Variants in OSTF1 observed in about 807,000 individuals in gnomAD.
The protein encoded by OSTF1 is osteoclast stimulating factor 1, also known as osteoclast-stimulating factor 1.
OSTF1 carries 27 observed loss-of-function variants against 37.2 expected under a neutral mutation model. The ratio of observed to expected loss-of-function variants is 0.73; its 90% CI spans 0.54 to 1.00. OSTF1 has a LOEUF of 1.00. OSTF1 is among the 50% of genes least tolerant of loss of function. The probability of loss-of-function intolerance (pLI) is 0.00; values close to 1 mark genes in which losing one functional copy is unlikely to be tolerated. For missense variants in OSTF1, 232 were observed against 253.8 expected, an observed-to-expected ratio of 0.91 and a Z score of 0.58; for synonymous variants, 82 against 89.2, an observed-to-expected ratio of 0.92 and a Z score of 0.46.
intron 1 of OSTF1, among the ~76,000 whole-genome samples, chr9:75,111,857 C>G (rs1825395942): frequency 9.4e-6 from 1 of 106,170 alleles, no homozygotes; most frequent in Non-Finnish European, 1.8e-5. Flanking sequence ...GGAGTTTCTC[C>G]CTGTTCCCCA....
At chr9:75,133,454 C>T in intron 6 of OSTF1, 53 bp downstream of exon 6, 1 of 1,048,342 alleles carries the variant, frequency 9.5e-7, no homozygotes, top group Non-Finnish European at 1.5e-6. Context: ...TGTGTTTCAC[C>T]TACGGGAGCC....
At chr9:75,104,850 G>C (rs145241846) in intron 1 of OSTF1, among the ~76,000 whole-genome samples, 38 of 152,290 alleles carry the variant, frequency 2.5e-4, no homozygotes, top group African/African-American at 7.7e-4. Flanking sequence ...AGCCAGATGG[G>C]CCTGAGTTTA....
intron 1 of OSTF1, among the ~76,000 whole-genome samples, chr9:75,106,037 C>T (rs1035297903): frequency 6.6e-6 from 1 of 152,194 alleles, no homozygotes; most frequent in Admixed American, 6.5e-5. Flanking sequence ...GCTATTCCTG[C>T]AGCTGAAATC....
chr9:75,099,361 C>T (rs1310363606), intron 1 of OSTF1, among the ~76,000 whole-genome samples: 1 of 152,084 alleles, frequency 6.6e-6, no homozygotes, highest in Non-Finnish European at 1.5e-5. Flanking sequence ...AAGTGACCCT[C>T]CCGCCTCAGC....
At chr9:75,100,511 C>T (rs1825171537) in intron 1 of OSTF1, among the ~76,000 whole-genome samples, 1 of 152,068 alleles carries the variant, frequency 6.6e-6, no homozygotes, top group South Asian at 2.1e-4. Flanking sequence ...AGATGGATCA[C>T]TTGAGGTCAG....
intron 9 of OSTF1, among the ~76,000 whole-genome samples, chr9:75,145,613 A>T (rs577692199): frequency 1.3e-5 from 2 of 152,348 alleles, no homozygotes; most frequent in East Asian, 3.9e-4. Flanking sequence ...GGAACAGTTA[A>T]TGTAGCAAGG....
intron 9 of OSTF1, 68 bp from the exon 10 acceptor site, chr9:75,146,615 A>T: frequency 9.5e-7 from 1 of 1,056,914 alleles, no homozygotes; most frequent in South Asian, 1.3e-5. Context: ...AGCTTTGAAA[A>T]TGAAAAAATA....
intron 2 of OSTF1, among the ~76,000 whole-genome samples, chr9:75,124,684 A>G (rs1825634367): frequency 2.0e-5 from 3 of 152,228 alleles, no homozygotes; most frequent in South Asian, 2.1e-4. Context: ...GTTACTCCCT[A>G]TTCCCCCTGA....
chr9:75,115,135 A>AT (rs1825459658), intron 1 of OSTF1, among the ~76,000 whole-genome samples: 1 of 152,240 alleles, frequency 6.6e-6, no homozygotes, highest in Non-Finnish European at 1.5e-5. Flanking sequence ...AGGAATAGAA[A>AT]AGAATAAGAA....
chr9:75,121,138 A>G (rs1311820337), intron 2 of OSTF1, among the ~76,000 whole-genome samples: 1 of 152,042 alleles, frequency 6.6e-6, no homozygotes, highest in Non-Finnish European at 1.5e-5. Flanking sequence ...CAGTGTTCTC[A>G]TCTGTAAAGT....
intron 7 of OSTF1, among the ~76,000 whole-genome samples, chr9:75,134,903 TTTG>T (rs1391008144): frequency 6.6e-6 from 1 of 152,266 alleles, no homozygotes; most frequent in African/African-American, 2.4e-5. Context: ...AAACTCATTT[TTTG>T]TTATCTCACT....
At chr9:75,123,674 T>G (rs961511717) in intron 2 of OSTF1, among the ~76,000 whole-genome samples, 10 of 152,204 alleles carry the variant, frequency 6.6e-5, no homozygotes, top group African/African-American at 2.4e-4. Context: ...ACCAACACTG[T>G]GAAGAATTTG....
Position 75,088,731 on chromosome 9 carries a change from G to A in OSTF1, c.34+5G>A, listed in dbSNP as rs765199207. Reference sequence around the variant, plus strand: ...CACCCAAACCAGTCAAACCAGGTGAGGGAGGTAAGGTAGGCGCTTGCCAGG... The same window carrying A: ...CACCCAAACCAGTCAAACCAGGTGAAGGAGGTAAGGTAGGCGCTTGCCAGG... On this transcript the variant is annotated splice_donor_5th_base_variant and intron_variant, in intron 1 of 9. Transcript: ENST00000346234. The A allele has an allele frequency of 6.2e-7, 1 of 1,606,866 alleles. No homozygotes were observed. The highest frequency in any genetic ancestry group is 8.5e-7 in the Non-Finnish European group (1 of 1,176,370).
intron 4 of OSTF1, among the ~76,000 whole-genome samples, chr9:75,130,969 G>A (rs1215118981): frequency 1.3e-5 from 2 of 152,022 alleles, no homozygotes; most frequent in African/African-American, 2.4e-5. Context: ...TAGACTAGCC[G>A]TTTCTTTTGT....
rs978743197 is a variant in OSTF1, at chr9:75,088,609, A to G, written c.-84A>G. The stretch of plus-strand genomic sequence containing the variant: ...CACGGTTGTAAGCCAGACAAAAAGA[A>G]CTGGGGTGCCCGGAGTGCCAGGTGG... On this transcript the variant is annotated 5_prime_UTR_variant, in exon 1 of 10. Coordinates refer to ENST00000346234, the MANE Select transcript of OSTF1 (RefSeq NM_012383.5). 2 of 1,427,248 alleles carry G rather than the reference A, an allele frequency of 1.4e-6. No individual in the cohort carries two copies. The highest frequency in any genetic ancestry group is 1.9e-5 in the Admixed American group (1 of 51,832). The allele number at this position is 1,427,248 out of a possible 1,614,324, so 88.4% of individuals were successfully genotyped here.
intron 2 of OSTF1, among the ~76,000 whole-genome samples, chr9:75,118,466 G>A (rs569373769): frequency 9.2e-5 from 14 of 152,210 alleles, no homozygotes; most frequent in African/African-American, 2.6e-4. Context: ...TTTTGCTCTG[G>A]GTAAGATTGG....
At chr9:75,101,536 T>C (rs1327987008) in intron 1 of OSTF1, among the ~76,000 whole-genome samples, 1 of 152,212 alleles carries the variant, frequency 6.6e-6, no homozygotes, top group African/African-American at 2.4e-5. Context: ...TTGTGGAGGC[T>C]CTTGTACGTG....
intron 1 of OSTF1, 130 bp from the exon 2 acceptor site, chr9:75,117,374 C>T: frequency 3.2e-6 from 2 of 631,482 alleles, no homozygotes; most frequent in Non-Finnish European, 5.6e-6. Context: ...TTTCCAGCCT[C>T]TAGTATCCTC....
chr9:75,140,747 C>A, intron 8 of OSTF1, 87 bp from the exon 9 acceptor site: 2 of 854,790 alleles, frequency 2.3e-6, no homozygotes, highest in South Asian at 1.6e-5. Flanking sequence ...TTTATTTTGC[C>A]AAAAGTTGTT....
Sources: allele counts gnomAD v4.1 joint callset (sites outside exome capture counted in the v4.1 genomes callset), GRCh38; gene constraint gnomAD v4.1.1; transcripts MANE v1.5; gene names NCBI Gene and HGNC (gene_info 2026-07-23, HGNC 2026-07-21).